SAMD4B: variants seen among roughly 807,000 people sequenced by gnomAD.
SAMD4B encodes the protein protein Smaug homolog 2.
SAMD4B carries 5 observed loss-of-function variants against 74.5 expected under a neutral mutation model. The observed-to-expected ratio is 0.07, with a 90% CI of 0.04 to 0.14. The LOEUF is 0.14. SAMD4B is among the 10% of genes least tolerant of loss of function. SAMD4B has a pLI of 1.00. For missense variants in SAMD4B, 608 were observed against 921.8 expected (o/e 0.66, Z 4.41); for synonymous variants, 373 against 374.9 (o/e 1.00, Z 0.06).
At chr19:39,386,106 C>T (rs143226076), downstream of SAMD4B, 418 of 1,614,030 alleles carry the variant, frequency 2.6e-4, no homozygotes, top group African/African-American at 4.4e-3. This position sits in a 1 kb window ranked among gnomAD's most constrained non-coding sequence, Gnocchi z 6.1. Flanking sequence ...GCTGTGGCTC[C>T]GGCTCCGCTG....
chr19:39,382,862 G>A (rs1227305287), intron 12 of SAMD4B, among the ~76,000 whole-genome samples: 1 of 152,152 alleles, frequency 6.6e-6, no homozygotes, highest in African/African-American at 2.4e-5. Flanking sequence ...CTTGGGGGCT[G>A]CCCAGTGTCC....
At position 39,377,014 on chromosome 19, in the gene SAMD4B, A is replaced by G. The variant is rs1186827390; in HGVS notation, c.1104+223A>G. On this transcript the variant is annotated intron_variant, in intron 7 of 13. Transcript: ENST00000610417. ...GTCTTTCCTGGTTTGTGGTTCCAGG[A>G]TCTCTGTCTTTTGACTCTACACCTT... Among the ~76,000 whole-genome samples the G allele has an allele frequency of 2.6e-5, 4 of 152,064 alleles. No homozygotes were observed. In the South Asian group the frequency reaches 6.2e-4, roughly 24 times the overall value.
In SAMD4B at chr19:39,377,523, G is replaced by A; in HGVS notation, c.1143G>A (p.Gln381=). ...LEGGNLRNAL[Q]ELQQIIITPI... is the part of the protein sequence containing the mutation. ...GCGGGAACCTACGAAACGCTCTGCAGGAGCTGCAGCAGATCATCATCACTC... is the reference window on the plus strand; with the variant it reads ...GCGGGAACCTACGAAACGCTCTGCAAGAGCTGCAGCAGATCATCATCACTC... Residue 381 remains glutamine (Q), a synonymous_variant, in exon 8 of 14, where the codon CAG becomes CAA. Coordinates refer to ENST00000610417, the MANE Select transcript of SAMD4B (RefSeq NM_001384574.2). 1 of 1,592,222 alleles carries A rather than the reference G, an allele frequency of 6.3e-7. No individual in the cohort carries two copies. The highest frequency in any genetic ancestry group is 8.6e-7 in the Non-Finnish European group (1 of 1,164,782).
At chr19:39,389,084 C>T, downstream of SAMD4B, 1 of 1,612,716 alleles carries the variant, frequency 6.2e-7, no homozygotes, top group South Asian at 1.1e-5. This position sits in a 1 kb window ranked among gnomAD's most constrained non-coding sequence, Gnocchi z 5.3. Context: ...ATCCCAGTCC[C>T]TCAATTACTG....
At chr19:39,372,445 C>T (rs949722580) in intron 4 of SAMD4B, among the ~76,000 whole-genome samples, 12 of 152,144 alleles carry the variant, frequency 7.9e-5, no homozygotes, top group African/African-American at 2.2e-4. Context: ...TTCTGGGGGG[C>T]GTTGAAGGAC....
intron 1 of SAMD4B, among the ~76,000 whole-genome samples, chr19:39,345,059 T>C (rs2075612599): frequency 6.6e-6 from 1 of 152,194 alleles, no homozygotes; most frequent in Non-Finnish European, 1.5e-5. Flanking sequence ...CACTCAGATC[T>C]ACTGAAACTG....
At chr19:39,356,138 C>T (rs2076330114) in intron 2 of SAMD4B, among the ~76,000 whole-genome samples, 1 of 152,156 alleles carries the variant, frequency 6.6e-6, no homozygotes, top group Non-Finnish European at 1.5e-5. Flanking sequence ...AGATCTCCAC[C>T]AGGGTCACTA....
At chr19:39,357,187 A>C in intron 3 of SAMD4B, 98 bp downstream of exon 3, 1 of 1,123,494 alleles carries the variant, frequency 8.9e-7, no homozygotes, top group Admixed American at 2.6e-5. Flanking sequence ...GGACTAAAAA[A>C]CGTGGGTTCT....
rs762545284 is a variant in SAMD4B at position 39,375,758 on chromosome 19, G to A, written c.776G>A (p.Arg259Gln). 27 of 1,614,026 alleles carry A rather than the reference G, an allele frequency of 1.7e-5. No homozygotes were observed. Among genetic ancestry groups the A allele is most frequent in the African/African-American group, 4.0e-5 (3 of 74,906 alleles). The change falls in exon 5 of 14, where the codon CGG becomes CAG. Residue 259 changes from arginine (R) to glutamine (Q), a missense_variant. By Grantham distance (43) the Arg-to-Gln change is conservative. Coordinates refer to ENST00000610417, the MANE Select transcript of SAMD4B (RefSeq NM_001384574.2). The surrounding 1 kb of genome is among the most constrained non-coding windows in gnomAD (Gnocchi z 4.1). ...CCGAGTCCAGAGGAGCTTGGGGCCC[G>A]GGCTGCTTTTACCACGCCCGATCAC... Reference protein sequence around the residue: ...EWPSPEELGARAAFTTPDHAP... With the variant: ...EWPSPEELGAQAAFTTPDHAP...
At chr19:39,386,190 G>C, downstream of SAMD4B, 2 of 1,614,156 alleles carry the variant, frequency 1.2e-6, no homozygotes, top group Non-Finnish European at 1.7e-6. This position sits in a 1 kb window ranked among gnomAD's most constrained non-coding sequence, Gnocchi z 6.1. Flanking sequence ...CTCATCATCA[G>C]AGTCGGCATC....
chr19:39,380,832 C>T (rs1256153508), intron 11 of SAMD4B, 47 bp downstream of exon 11: 2 of 1,508,186 alleles, frequency 1.3e-6, no homozygotes, highest in Non-Finnish European at 1.8e-6. Flanking sequence ...GTTGGGGTGG[C>T]AGTACCTGGG....
downstream of SAMD4B, chr19:39,389,988 G>A (rs1415670726): frequency 1.7e-6 from 2 of 1,200,986 alleles, no homozygotes; most frequent in African/African-American, 1.5e-5. The surrounding 1 kb of genome is among the most constrained non-coding windows in gnomAD (Gnocchi z 5.3). Flanking sequence ...TAGGCCCTGA[G>A]CAGACAGCAG....
intron 3 of SAMD4B, among the ~76,000 whole-genome samples, chr19:39,361,656 G>C: frequency 6.6e-6 from 1 of 150,842 alleles, no homozygotes; most frequent in Non-Finnish European, 1.5e-5. Context: ...GGGCGCGGTG[G>C]CTCACGCCTG....
rs768545174 is a variant in SAMD4B, at chr19:39,383,249, C to T, written c.2014C>T (p.Leu672=). The T allele has an allele frequency of 3.1e-6, 5 of 1,614,202 alleles. No homozygotes were observed. The Admixed American group carries it at 8.3e-5, about 27-fold the overall frequency. The change falls in exon 13 of 14, where the codon CTG becomes TTG. Residue 672 remains leucine (L), a synonymous_variant. Transcript: ENST00000610417. The surrounding 1 kb of genome is among the most constrained non-coding windows in gnomAD (Gnocchi z 4.1). ...GCCTGACCTGGAGATCAATCCCACT[C>T]TGGAGTCTCTGTGTCTGAGCATGAC... ...PGPDLEINPT[L]ESLCLSMTEH...
chr19:39,383,434 A>G lies in SAMD4B; in HGVS notation c.2057-65A>G, dbSNP rs1442928767. ...CCTGACTGGGATGACAGGCTACCTG[A>G]GTGCCTTTTCTTGGGCCTCCCTCCA... On this transcript the variant is annotated intron_variant, in intron 13 of 13. Transcript: ENST00000610417. This position sits in a 1 kb window ranked among gnomAD's most constrained non-coding sequence, Gnocchi z 4.1. The G allele has an allele frequency of 6.3e-7, 1 of 1,586,850 alleles. No individual in the cohort carries two copies. The highest frequency in any genetic ancestry group is 8.7e-7 in the Non-Finnish European group (1 of 1,155,382).
At chr19:39,354,647 A>T (rs2076242388) in intron 2 of SAMD4B, among the ~76,000 whole-genome samples, 1 of 152,192 alleles carries the variant, frequency 6.6e-6, no homozygotes, top group Non-Finnish European at 1.5e-5. Flanking sequence ...TATAGGAATG[A>T]AATAGTGTTA....
intron 4 of SAMD4B, among the ~76,000 whole-genome samples, chr19:39,371,891 A>G: frequency 6.6e-6 from 1 of 152,088 alleles, no homozygotes; most frequent in East Asian, 1.9e-4. Flanking sequence ...TTATACATAT[A>G]AACTCAAGGT....
At chr19:39,342,878 C>T (rs188520477) in intron 1 of SAMD4B, among the ~76,000 whole-genome samples, 1,982 of 151,256 alleles carry the variant, frequency 0.013, 45 homozygotes, top group African/African-American at 0.046. Flanking sequence ...CCCGCACATC[C>T]CCCTCGGAGA....
Position 39,350,299 on chromosome 19 carries a change from A to G in SAMD4B, c.-266-3707A>G, listed in dbSNP as rs2075960107. 2.0e-5 allele frequency: 3 copies of G among 152,222 alleles called. No individual in the cohort carries two copies. The South Asian group carries it at 6.2e-4, about 32-fold the overall frequency. 9.4% of individuals were successfully genotyped at this position (152,222 alleles called of 1,614,324 possible). A position where few individuals can be genotyped will look rare whatever the true frequency, so the allele number is the denominator to read the frequency against. ...CAGAGTTACTTGTCATAGTCAATAC[A>G]GCAAGTAAGTATAACAGGAGAGCCA... On this transcript the variant is annotated intron_variant, in intron 1 of 13. Transcript: ENST00000610417.
Sources: allele counts gnomAD v4.1 joint callset (sites outside exome capture counted in the v4.1 genomes callset), GRCh38; gene constraint gnomAD v4.1.1; non-coding constraint Gnocchi (gnomAD v3.1); transcripts MANE v1.5; gene names NCBI Gene and HGNC (gene_info 2026-07-23, HGNC 2026-07-21).